The following LRP1 variants were observed in gnomAD, a reference collection of about 807,000 sequenced individuals.
The protein encoded by LRP1 is prolow-density lipoprotein receptor-related protein 1.
In LRP1, 51 loss-of-function variants were observed where a neutral mutation model predicts 541.5. The ratio of observed to expected loss-of-function variants is 0.09; its 90% confidence interval spans 0.08 to 0.12. The LOEUF is 0.12. Among genes scored for constraint, LRP1 ranks in the 10% least tolerant of loss-of-function variants. LRP1 has a pLI of 1.00. For synonymous variants in LRP1, 2,219 were observed against 2,470.8 expected (o/e 0.90, Z 3.02); for missense variants, 3,878 against 6,376.2 (o/e 0.61, Z 13.34).
rs139325466 is a variant in LRP1 at position 57,210,057 on chromosome 12, C to T, written c.12468C>T (p.Cys4156=). 1.1e-5 allele frequency: 18 copies of T among 1,611,898 alleles called. No individual in the cohort carries two copies. Among genetic ancestry groups the T allele is most frequent in the South Asian group, 3.3e-5 (3 of 90,772 alleles). Residue 4156 remains cysteine (C), a synonymous_variant, in exon 81 of 89, where the codon TGC becomes TGT. Coordinates refer to ENST00000243077, the MANE Select transcript of LRP1 (RefSeq NM_002332.3). ...CCAACCCATGTGACCGCAAGAAATG[C>T]GAGTGGCTCTGCCTGCTGAGCCCCA... is the stretch of plus-strand genomic sequence containing the variant. ...EVTNPCDRKK[C]EWLCLLSPSG...
Position 57,183,470 on chromosome 12 carries a change from G to A in LRP1, c.5754G>A (p.Val1918=), listed in dbSNP as rs777897577. 58 of 1,614,040 alleles carry A rather than the reference G, an allele frequency of 3.6e-5. No individual in the cohort carries two copies. The highest frequency in any genetic ancestry group is 4.8e-5 in the Non-Finnish European group (57 of 1,179,974). ...ACAAGTCAGATGCCCTGGTCCCAGT[G>A]TCCGGGACCTCGCTGGCTGTCGGCA... The part of the protein sequence containing the change: ...PNDKSDALVP[V]SGTSLAVGID... The change falls in exon 35 of 89, where the codon GTG becomes GTA. Residue 1918 remains valine (V), a synonymous_variant. Transcript: ENST00000243077. This position sits in a 1 kb window ranked among gnomAD's most constrained non-coding sequence, Gnocchi z 6.1.
intron 82 of LRP1, 48 bp downstream of exon 82, chr12:57,210,528 G>GCCCCCCCCCCCCCCCCC: frequency 6.7e-7 from 1 of 1,483,016 alleles, no homozygotes; most frequent in Admixed American, 2.2e-5. Flanking sequence ...CTGGGCCCCA[G>GCCCCCCCCCCCCCCCCC]CCCCGCCACC....
chr12:57,193,456 C>G, intron 46 of LRP1, 110 bp from the exon 47 acceptor site: 1 of 1,517,114 alleles, frequency 6.6e-7, no homozygotes, highest in Middle Eastern at 1.9e-4. Context: ...TTAGCCTGGA[C>G]TGGGCCTTTG....
intron 64 of LRP1, 94 bp downstream of exon 64, chr12:57,200,909 G>T: frequency 6.7e-7 from 1 of 1,483,246 alleles, no homozygotes; most frequent in South Asian, 1.1e-5. Context: ...GCAGCCCACG[G>T]CAGCTTGCTC....
intron 44 of LRP1, among the ~76,000 whole-genome samples, chr12:57,191,890 C>CAT (rs2036402923): frequency 1.2e-5 from 1 of 82,484 alleles, no homozygotes; most frequent in African/African-American, 4.7e-5. Context: ...ACACACCCCA[C>CAT]ACATACCACA....
rs897787298 is a variant in LRP1, at chr12:57,189,495, C to T, written c.7032-1310C>T. 2.0e-5 allele frequency among the ~76,000 whole-genome samples: 3 copies of T among 152,170 alleles called. No individual in the cohort carries two copies. Among genetic ancestry groups the T allele is most frequent in the African/African-American group, 7.2e-5 (3 of 41,430 alleles). Reference sequence around the variant, plus strand: ...TTAAGATCAGAGCTTCTCACGAGCTCGCCGAGGCTCAGGGCAGCCAGTGTC... The same window carrying T: ...TTAAGATCAGAGCTTCTCACGAGCTTGCCGAGGCTCAGGGCAGCCAGTGTC... On this transcript the variant is annotated intron_variant, in intron 42 of 88. Transcript: ENST00000243077. This position sits in a 1 kb window ranked among gnomAD's most constrained non-coding sequence, Gnocchi z 4.4.
chr12:57,141,122 G>A (rs2035280549), intron 2 of LRP1, among the ~76,000 whole-genome samples: 1 of 152,114 alleles, frequency 6.6e-6, no homozygotes. Context: ...GAGGCACTGG[G>A]GTCCATGGGA....
In LRP1 at chr12:57,202,498, G is replaced by A. The variant is rs2036677551; in HGVS notation, c.10672G>A (p.Asp3558Asn). 2 of 1,613,474 alleles carry A rather than the reference G, an allele frequency of 1.2e-6. No individual in the cohort carries two copies. Among genetic ancestry groups the A allele is most frequent in the Non-Finnish European group, 1.7e-6 (2 of 1,179,974 alleles). ...GCCCGGCCGCTGGCAGTGCGACTACGACAACGATTGCGGTGACAACTCCGA... is the reference window on the plus strand; with the variant it reads ...GCCCGGCCGCTGGCAGTGCGACTACAACAACGATTGCGGTGACAACTCCGA... ...CVPGRWQCDY[D>N]NDCGDNSDEE... The change falls in exon 68 of 89, where the codon GAC becomes AAC. Residue 3558 changes from aspartate to asparagine, a missense_variant. Physicochemically the swap from Asp to Asn is conservative, Grantham distance 23 (BLOSUM62 1). This residue lies in a region of LRP1 where 278 missense variants were observed against 536.3 expected (regional missense o/e 0.52). Coordinates refer to ENST00000243077, the MANE Select transcript of LRP1 (RefSeq NM_002332.3).
chr12:57,150,293 G>C (rs951652341), intron 6 of LRP1, among the ~76,000 whole-genome samples: 4 of 148,472 alleles, frequency 2.7e-5, no homozygotes, highest in African/African-American at 1.0e-4. Flanking sequence ...CCGGGTTCAC[G>C]CCATTCTTCT....
rs2036260792 is a variant in LRP1, at chr12:57,185,916, C to T, written c.6841+8C>T. 1 of 1,608,622 alleles carries T rather than the reference C, an allele frequency of 6.2e-7. No homozygotes were observed. Among genetic ancestry groups the T allele is most frequent in the African/African-American group, 1.3e-5 (1 of 74,870 alleles). ...GGATCACCATTGTGGAAAGTGAGCC[C>T]AGACCCTAAGTCTTCCCAGGAAGTG... On this transcript the variant is annotated splice_region_variant and intron_variant, in intron 41 of 88. Coordinates refer to ENST00000243077, the MANE Select transcript of LRP1 (RefSeq NM_002332.3). The surrounding 1 kb of genome is among the most constrained non-coding windows in gnomAD (Gnocchi z 4.9).
In LRP1 at chr12:57,210,492, C is replaced by T. The variant is rs1212807606; in HGVS notation, c.12754+12C>T. On this transcript the variant is annotated intron_variant, in intron 82 of 88. Coordinates refer to ENST00000243077, the MANE Select transcript of LRP1 (RefSeq NM_002332.3). ...TGCCTCCCCCTCTGGTATGCCCCCT[C>T]ATCCCGCCACGCCTGCTCCTTGCCC... 12 of 1,521,612 alleles carry T rather than the reference C, an allele frequency of 7.9e-6. 1 individual carries two copies. The highest frequency in any genetic ancestry group is 2.2e-4 in the Middle Eastern group (1 of 4,484). The allele number at this position is 1,521,612 out of a possible 1,614,324, so 94.3% of individuals were successfully genotyped here. A position where few individuals can be genotyped will look rare whatever the true frequency, so the allele number is the denominator to read the frequency against.
At position 57,161,078 on chromosome 12, in the gene LRP1, G is replaced by T; in HGVS notation, c.2165G>T (p.Arg722Leu). The T allele has an allele frequency of 6.2e-7, 1 of 1,613,646 alleles. No homozygotes were observed. The highest frequency in any genetic ancestry group is 8.5e-7 in the Non-Finnish European group (1 of 1,180,034). Reference sequence around the variant, plus strand: ...TACTGGGTGGATGCCTTCTACGACCGCATCGAGACGATACTGCTCAATGGC... The same window carrying T: ...TACTGGGTGGATGCCTTCTACGACCTCATCGAGACGATACTGCTCAATGGC... The part of the protein sequence containing the change: ...RLYWVDAFYD[R>L]IETILLNGTD... The change falls in exon 13 of 89, where the codon CGC becomes CTC. Residue 722 changes from arginine to leucine, a missense_variant. This residue lies in a region of LRP1 where 496 missense variants were observed against 861.0 expected (regional missense o/e 0.58). Transcript: ENST00000243077.
At chr12:57,141,238 G>A (rs1017119991) in intron 2 of LRP1, 136 bp from the exon 3 acceptor site, 25 of 909,746 alleles carry the variant, frequency 2.7e-5, no homozygotes, top group Non-Finnish European at 3.8e-5. Flanking sequence ...AGAGTTCCAG[G>A]TGGAAGAGTC....
rs940654363 is a variant in LRP1, at chr12:57,204,964, G to A, written c.11195-145G>A. 2.1e-5 allele frequency: 28 copies of A among 1,364,960 alleles called. No individual in the cohort carries two copies. In the African/African-American group the frequency reaches 3.9e-4, roughly 19 times the overall value. The allele number at this position is 1,364,960 out of a possible 1,614,324, so 84.6% of individuals were successfully genotyped here. On this transcript the variant is annotated intron_variant, in intron 72 of 88. Transcript: ENST00000243077. The surrounding 1 kb of genome is among the most constrained non-coding windows in gnomAD (Gnocchi z 5.3). ...CTGCCTGATGCCTTAGGTCTTGGAG[G>A]TGGGGCTGGGAACCCAAATGTTTGA...
In LRP1 at chr12:57,178,956, A is replaced by G. The variant is rs1045667177; in HGVS notation, c.4673A>G (p.Asn1558Ser). 1 of 1,613,984 alleles carries G rather than the reference A, an allele frequency of 6.2e-7. No individual in the cohort carries two copies. Among genetic ancestry groups the G allele is most frequent in the East Asian group, 2.2e-5 (1 of 44,872 alleles). ...PCSHLCLINY[N>S]RTVSCACPHL... ...TCCCACCTGTGTCTCATCAACTACA[A>G]CCGGACCGTGTCCTGCGCCTGCCCC... is the stretch of plus-strand genomic sequence containing the variant. Residue 1558 changes from asparagine (N) to serine (S), a missense_variant, in exon 28 of 89, where the codon AAC (asparagine) becomes AGC (serine). Physicochemically the swap from Asn to Ser is conservative, Grantham distance 46 (BLOSUM62 1). Transcript: ENST00000243077. This position sits in a 1 kb window ranked among gnomAD's most constrained non-coding sequence, Gnocchi z 5.8.
At chr12:57,129,358 A>G (rs1292723528) in intron 1 of LRP1, among the ~76,000 whole-genome samples, 3 of 151,960 alleles carry the variant, frequency 2.0e-5, no homozygotes, top group Non-Finnish European at 2.9e-5. Flanking sequence ...CGCCTCCCCT[A>G]CATCCTCACA....
chr12:57,211,285 C>T lies in LRP1; in HGVS notation c.13026C>T (p.Asn4342=), dbSNP rs1231582747. ...TTGAGGGATCGAGGTGTGAGGTGAA[C>T]AAGTGCAGCCGCTGTCTCGAAGGGG... ...AYFEGSRCEV[N]KCSRCLEGAC... The change falls in exon 84 of 89, where the codon AAC becomes AAT. Residue 4342 remains asparagine, a synonymous_variant. Transcript: ENST00000243077. This position sits in a 1 kb window ranked among gnomAD's most constrained non-coding sequence, Gnocchi z 4.3. 6.2e-7 allele frequency: 1 copy of T among 1,614,214 alleles called. No individual in the cohort carries two copies. The highest frequency in any genetic ancestry group is 1.7e-5 in the Admixed American group (1 of 60,030).
chr12:57,133,653 A>AT (rs1323082390), intron 1 of LRP1, among the ~76,000 whole-genome samples: 1 of 49,802 alleles, frequency 2.0e-5, no homozygotes, highest in Non-Finnish European at 3.8e-5. Context: ...CACCTTGAGC[A>AT]TCCTCCTCCC....
rs527808533 is a variant in LRP1, at chr12:57,179,670, C to T, written c.4967-112C>T. 1.4e-6 allele frequency: 2 copies of T among 1,391,706 alleles called. No homozygotes were observed. The highest frequency in any genetic ancestry group is 4.6e-5 in the East Asian group (2 of 43,772). 86.2% of individuals were successfully genotyped at this position (1,391,706 alleles called of 1,614,324 possible). The stretch of plus-strand genomic sequence containing the variant: ...TCCTTCTCCCAGTCCTGTTCCCCCT[C>T]AGTGCTCCAGCCTGGTTTCCTGATC... On this transcript the variant is annotated intron_variant, in intron 29 of 88. Coordinates refer to ENST00000243077, the MANE Select transcript of LRP1 (RefSeq NM_002332.3). The surrounding 1 kb of genome is among the most constrained non-coding windows in gnomAD (Gnocchi z 6.8).
Sources: allele counts gnomAD v4.1 joint callset (sites outside exome capture counted in the v4.1 genomes callset), GRCh38; gene constraint gnomAD v4.1.1; regional missense constraint gnomAD v4.1.1; non-coding constraint Gnocchi (gnomAD v3.1); transcripts MANE v1.5; gene names NCBI Gene and HGNC (gene_info 2026-07-23, HGNC 2026-07-21).